The following PIK3AP1 variants were observed in gnomAD, a reference collection of about 807,000 sequenced individuals.
PIK3AP1 encodes phosphoinositide 3-kinase adapter protein 1.
PIK3AP1 carries 21 observed loss-of-function variants against 88.1 expected under a neutral mutation model. The ratio of observed to expected loss-of-function variants is 0.24; its 90% confidence interval spans 0.17 to 0.34. The LOEUF is 0.34. Ranked by LOEUF, PIK3AP1 falls within the 10% of genes least tolerant of loss-of-function variation. The pLI, the probability that PIK3AP1 is intolerant of heterozygous loss-of-function variation, is 1.00. For missense variants in PIK3AP1, 828 were observed against 1,035.7 expected (o/e 0.80, Z 2.75); for synonymous variants, 398 against 400.0 (o/e 1.00, Z 0.06).
intron 13 of PIK3AP1, among the ~76,000 whole-genome samples, chr10:96,612,319 C>G (rs1480794420): frequency 6.6e-6 from 1 of 152,186 alleles, no homozygotes; most frequent in African/African-American, 2.4e-5. Context: ...CCAGTAAGAG[C>G]AAACAAACCC....
intron 1 of PIK3AP1, among the ~76,000 whole-genome samples, chr10:96,716,287 A>G (rs1844501912): frequency 6.6e-6 from 1 of 151,994 alleles, no homozygotes; most frequent in Non-Finnish European, 1.5e-5. Flanking sequence ...GTCTCATTAA[A>G]TAAATAAATA....
At chr10:96,710,795 G>T (rs1844429011) in intron 1 of PIK3AP1, among the ~76,000 whole-genome samples, 2 of 152,126 alleles carry the variant, frequency 1.3e-5, no homozygotes, top group Admixed American at 1.3e-4. Context: ...GGTGTGACAG[G>T]TTAAGTAATT....
chr10:96,683,553 C>A (rs932068694), intron 2 of PIK3AP1, among the ~76,000 whole-genome samples: 3 of 152,222 alleles, frequency 2.0e-5, no homozygotes, highest in African/African-American at 7.2e-5. Context: ...CTATACATCT[C>A]ATTCCATTGC....
In PIK3AP1 at chr10:96,645,815, G is replaced by A. The variant is rs201171208; in HGVS notation, c.1186-153C>T. On this transcript the variant is annotated intron_variant, in intron 7 of 16. Coordinates refer to ENST00000339364, the MANE Select transcript of PIK3AP1 (RefSeq NM_152309.3). ...TGTATTTGTATTTTCCCACCTGACTGAACGCTCCTTGAGGCCAGGCTTCCC... is the reference window on the plus strand; with the variant it reads ...TGTATTTGTATTTTCCCACCTGACTAAACGCTCCTTGAGGCCAGGCTTCCC... 3.3e-5 allele frequency among the ~76,000 whole-genome samples: 5 copies of A among 152,340 alleles called. No homozygotes were observed. In the East Asian group the frequency reaches 9.6e-4, roughly 29 times the overall value.
Position 96,624,840 on chromosome 10 carries a change from G to A in PIK3AP1, c.1670-1303C>T, listed in dbSNP as rs577134252. Among the ~76,000 whole-genome samples, 4 of 152,234 alleles carry A rather than the reference G, an allele frequency of 2.6e-5. No homozygotes were observed. The East Asian group carries it at 7.7e-4, about 29-fold the overall frequency. The stretch of plus-strand genomic sequence containing the variant: ...CACAGTTTCCTAGCAAGTCCATCAG[G>A]GCTCTTGAGGAATCACCTGTGCCCC... On this transcript the variant is annotated intron_variant, in intron 10 of 16. Transcript: ENST00000339364.
Position 96,594,891 on chromosome 10 carries a change from T to G in PIK3AP1, c.*686A>C, listed in dbSNP as rs1848730041. ...GGCATTTCTTGAGGGAGAGAGGGCCTGGCTATTTGGAGATGGAAAATGTGG... is the reference window on the plus strand; with the variant it reads ...GGCATTTCTTGAGGGAGAGAGGGCCGGGCTATTTGGAGATGGAAAATGTGG... On this transcript the variant is annotated 3_prime_UTR_variant, in exon 17 of 17. Coordinates refer to ENST00000339364, the MANE Select transcript of PIK3AP1 (RefSeq NM_152309.3). This position sits in a 1 kb window ranked among gnomAD's most constrained non-coding sequence, Gnocchi z 4.6. The G allele has an allele frequency of 6.6e-6, 1 of 152,330 alleles. No individual in the cohort carries two copies. The highest frequency in any genetic ancestry group is 1.5e-5 in the Non-Finnish European group (1 of 68,050). 9.4% of individuals were successfully genotyped at this position (152,330 alleles called of 1,614,324 possible). A position where few individuals can be genotyped will look rare whatever the true frequency, so the allele number is the denominator to read the frequency against.
chr10:96,612,982 ATTTTTTTTTTT>A (rs3979626), intron 13 of PIK3AP1, among the ~76,000 whole-genome samples: 1 of 34,784 alleles, frequency 2.9e-5, no homozygotes, highest in African/African-American at 1.2e-4. Flanking sequence ...ATATATATAT[ATTTTTTTTTTT>A]TTTTTTTTTT....
chr10:96,661,288 G>A (rs1843682572), intron 2 of PIK3AP1, among the ~76,000 whole-genome samples: 1 of 152,142 alleles, frequency 6.6e-6, no homozygotes, highest in African/African-American at 2.4e-5. Context: ...TGGTTAGGAG[G>A]AAAGAAAGAA....
chr10:96,679,522 C>G (rs1371613542), intron 2 of PIK3AP1, among the ~76,000 whole-genome samples: 1 of 150,550 alleles, frequency 6.6e-6, no homozygotes, highest in African/African-American at 2.4e-5. Flanking sequence ...AGCAAGACTC[C>G]GTCTCAAAAA....
intron 2 of PIK3AP1, among the ~76,000 whole-genome samples, chr10:96,658,826 GACC>G (rs1843649482): frequency 6.6e-6 from 1 of 152,092 alleles, no homozygotes; most frequent in African/African-American, 2.4e-5. Context: ...TAGAGCAAAG[GACC>G]CAGAGTGTTC....
chr10:96,664,576 A>T (rs1370242001), intron 2 of PIK3AP1, among the ~76,000 whole-genome samples: 3 of 151,720 alleles, frequency 2.0e-5, no homozygotes, highest in African/African-American at 7.3e-5. Flanking sequence ...AAACCAATGC[A>T]ATCTATTAGC....
At chr10:96,635,252 T>C (rs963987019) in intron 8 of PIK3AP1, among the ~76,000 whole-genome samples, 8 of 152,174 alleles carry the variant, frequency 5.3e-5, no homozygotes, top group African/African-American at 1.4e-4. Flanking sequence ...ATGAATTTCC[T>C]TCCCATACTG....
chr10:96,653,934 T>C (rs1488385666), intron 3 of PIK3AP1, among the ~76,000 whole-genome samples: 2 of 152,242 alleles, frequency 1.3e-5, no homozygotes, highest in Non-Finnish European at 2.9e-5. Context: ...CCAGTCCTGC[T>C]ACTCAAGGCG....
At chr10:96,713,503 TAAAAAAAAAAAAAA>T (rs566830672) in intron 1 of PIK3AP1, among the ~76,000 whole-genome samples, 1 of 84,928 alleles carries the variant, frequency 1.2e-5, no homozygotes, top group Non-Finnish European at 2.4e-5. Context: ...GACTCCGTCT[TAAAAAAAAAAAAAA>T]AAAAAAAAAA....
In PIK3AP1 at chr10:96,609,701, C is replaced by T. The variant is rs1292350732; in HGVS notation, c.2170+11G>A. 4 of 1,612,190 alleles carry T rather than the reference C, an allele frequency of 2.5e-6. No homozygotes were observed. The African/African-American group carries it at 5.3e-5, about 22-fold the overall frequency. On this transcript the variant is annotated intron_variant, in intron 14 of 16. Coordinates refer to ENST00000339364, the MANE Select transcript of PIK3AP1 (RefSeq NM_152309.3). ...CAAGAAGACCCCACCCCCGCACCCC[C>T]AGCTGCTCACTTGCTGTGCTGGAGG...
intron 2 of PIK3AP1, among the ~76,000 whole-genome samples, chr10:96,687,185 G>A (rs1417375733): frequency 6.8e-6 from 1 of 146,718 alleles, no homozygotes; most frequent in African/African-American, 2.6e-5. Context: ...GAACCCGGGA[G>A]GAGGAGCTTG....
intron 3 of PIK3AP1, among the ~76,000 whole-genome samples, chr10:96,653,609 T>C (rs1458227798): frequency 7.1e-6 from 1 of 140,752 alleles, no homozygotes; most frequent in East Asian, 2.4e-4. Flanking sequence ...TGCCTCAGCC[T>C]CCCTAGTAGC....
Position 96,602,358 on chromosome 10 carries a change from C to T in PIK3AP1, c.2282G>A (p.Gly761Asp), listed in dbSNP as rs2134181209. ...GGGTGTCCCATCCACTTGTGGGGGG[C>T]CTGGACTGCGACTTCTGGTAACCTC... is the stretch of plus-strand genomic sequence containing the variant. ...VPEVTRSRSP[G>D]PPQVDGTPTM... is the part of the protein sequence containing the mutation. The change falls in exon 16 of 17, where the codon GGC (glycine) becomes GAC (aspartate). Residue 761 changes from glycine (G) to aspartate (D), a missense_variant. Around this residue, in one of 3 missense-constraint regions of PIK3AP1, gnomAD observed 191 missense variants for 208.6 expected, o/e 0.92. Coordinates refer to ENST00000339364, the MANE Select transcript of PIK3AP1 (RefSeq NM_152309.3). 2 of 1,612,562 alleles carry T rather than the reference C, an allele frequency of 1.2e-6. No individual in the cohort carries two copies. The highest frequency in any genetic ancestry group is 1.7e-6 in the Non-Finnish European group (2 of 1,179,044).
chr10:96,629,807 T>C lies in PIK3AP1; in HGVS notation c.1376-1314A>G, dbSNP rs114117701. Among the ~76,000 whole-genome samples the C allele has an allele frequency of 9.8e-3, 1,418 of 145,282 alleles. 29 individuals carry two copies. The highest frequency in any genetic ancestry group is 0.033 in the African/African-American group (1,321 of 39,454). On this transcript the variant is annotated intron_variant, in intron 8 of 16. Coordinates refer to ENST00000339364, the MANE Select transcript of PIK3AP1 (RefSeq NM_152309.3). ...CACTTGGGATGCAGAACTGGGAGGA[T>C]TGCTTGGGCCAAGGAGGTCAAGGCA...
Sources: allele counts gnomAD v4.1 joint callset (sites outside exome capture counted in the v4.1 genomes callset), GRCh38; gene constraint gnomAD v4.1.1; regional missense constraint gnomAD v4.1.1; non-coding constraint Gnocchi (gnomAD v3.1); transcripts MANE v1.5; gene names NCBI Gene and HGNC (gene_info 2026-07-23, HGNC 2026-07-21).